CCDC138: variants seen among roughly 807,000 people sequenced by gnomAD.
The protein encoded by CCDC138 is coiled-coil domain containing 138, also known as coiled-coil domain-containing protein 138.
In CCDC138, 66 loss-of-function variants were observed where a neutral mutation model predicts 82.3. That is an observed-to-expected ratio of 0.80 (90% CI 0.66 to 0.98). The LOEUF (loss-of-function observed/expected upper bound fraction) is 0.98, where lower values mean the gene tolerates loss of function less well. Ranked by LOEUF, CCDC138 falls within the 50% of genes least tolerant of loss-of-function variation. The probability of loss-of-function intolerance (pLI) is 0.00; values close to 1 mark genes in which losing one functional copy is unlikely to be tolerated. For synonymous variants in CCDC138, 297 were observed against 265.4 expected, an observed-to-expected ratio of 1.12 and a Z score of -1.16; for missense variants, 816 against 758.9, an observed-to-expected ratio of 1.08 and a Z score of -0.88.
At chr2:108,843,772 T>G (rs1470898213) in intron 11 of CCDC138, among the ~76,000 whole-genome samples, 1 of 152,066 alleles carries the variant, frequency 6.6e-6, no homozygotes, top group African/African-American at 2.4e-5. Flanking sequence ...TTTGTTTAGT[T>G]TCTTCAGTCT....
chr2:108,794,539 G>T lies in CCDC138; in HGVS notation c.395-1G>T. ...TAATGCAAATGTTATTTTCTTTGCAGTTGCCTTGCCAACTAATACGACCTC... is the reference window on the plus strand; with the variant it reads ...TAATGCAAATGTTATTTTCTTTGCATTTGCCTTGCCAACTAATACGACCTC... On this transcript the variant is annotated splice_acceptor_variant, in intron 4 of 14. Transcript: ENST00000295124. LOFTEE classifies it high-confidence loss of function. 6.3e-7 allele frequency: 1 copy of T among 1,592,784 alleles called. No individual in the cohort carries two copies. The highest frequency in any genetic ancestry group is 8.6e-7 in the Non-Finnish European group (1 of 1,169,260).
intron 13 of CCDC138, among the ~76,000 whole-genome samples, chr2:108,857,326 C>G (rs1574257770): frequency 6.6e-6 from 1 of 152,024 alleles, no homozygotes; most frequent in African/African-American, 2.4e-5. Flanking sequence ...GCCTCGGCCT[C>G]CCAAAGCACT....
intron 1 of CCDC138, chr2:108,882,581 A>G (rs75239847): frequency 0.069 from 10,435 of 152,272 alleles, 405 homozygotes; most frequent in African/African-American, 0.097. Context: ...CACCCATTGT[A>G]GACCCACTTG....
At chr2:108,816,175 G>T in intron 10 of CCDC138, 70 bp downstream of exon 10, 2 of 1,144,244 alleles carry the variant, frequency 1.7e-6, no homozygotes, top group South Asian at 2.9e-5. Flanking sequence ...CCAGGGCCAG[G>T]CACAGTGGCT....
intron 10 of CCDC138, among the ~76,000 whole-genome samples, chr2:108,820,999 ATG>A (rs1052267863): frequency 8.0e-6 from 1 of 125,560 alleles, no homozygotes; most frequent in Non-Finnish European, 1.7e-5. Flanking sequence ...CTTGCATAGA[ATG>A]TAACAGACAA....
chr2:108,797,934 G>T (rs936930130), intron 5 of CCDC138, among the ~76,000 whole-genome samples: 2 of 149,670 alleles, frequency 1.3e-5, no homozygotes, highest in Non-Finnish European at 3.0e-5. Context: ...CCATGAATTC[G>T]CAATGGGGCC....
At chr2:108,814,206 G>A (rs1684360498) in intron 9 of CCDC138, among the ~76,000 whole-genome samples, 4 of 152,166 alleles carry the variant, frequency 2.6e-5, no homozygotes, top group South Asian at 4.2e-4. Flanking sequence ...TGTACAAATG[G>A]GAGTGTAATG....
chr2:108,877,101 A>G (rs1242032971), downstream of CCDC138, among the ~76,000 whole-genome samples: 4 of 152,340 alleles, frequency 2.6e-5, no homozygotes, highest in East Asian at 7.7e-4. Context: ...AAAATGTGCC[A>G]TTTTTGAAGT....
chr2:108,875,270 G>T (rs937592264), intron 14 of CCDC138, among the ~76,000 whole-genome samples: 11 of 148,830 alleles, frequency 7.4e-5, no homozygotes, highest in Admixed American at 4.7e-4. Context: ...GTATACATAT[G>T]TAACTAACCT....
intron 10 of CCDC138, among the ~76,000 whole-genome samples, chr2:108,837,502 A>G (rs1392717409): frequency 6.6e-6 from 1 of 152,190 alleles, no homozygotes; most frequent in Non-Finnish European, 1.5e-5. Flanking sequence ...TGGAGCAAAG[A>G]AAAAAAGAAT....
In CCDC138 at chr2:108,854,115, A is replaced by G. The variant is rs1414001516; in HGVS notation, c.1517-2679A>G. ...TATTATATATATAATAAATATATAT[A>G]ATATATACATATGTAGAAAATGTGT... On this transcript the variant is annotated intron_variant, in intron 12 of 14. Transcript: ENST00000295124. 1.8e-4 allele frequency among the ~76,000 whole-genome samples: 24 copies of G among 136,710 alleles called. 1 individual carries two copies. Among genetic ancestry groups the G allele is most frequent in the Admixed American group, 1.7e-3 (20 of 12,006 alleles). The allele number at this position is 136,710 out of a possible 152,430, so 89.7% of individuals were successfully genotyped here.
At position 108,860,133 on chromosome 2, in the gene CCDC138, A is replaced by AT. The variant is rs546684927; in HGVS notation, c.1693+3174dup. On this transcript the variant is annotated intron_variant, in intron 13 of 14. Coordinates refer to ENST00000295124, the MANE Select transcript of CCDC138 (RefSeq NM_144978.3). Reference sequence around the variant, plus strand: ...TTATTGGTGTATAGAAATGCTTCTGATTTTTTTTTTTCTTAAATATGTTGT... The same window carrying AT: ...TTATTGGTGTATAGAAATGCTTCTGATTTTTTTTTTTTCTTAAATATGTTGT... Among the ~76,000 whole-genome samples, 133 of 145,796 alleles carry AT rather than the reference A, an allele frequency of 9.1e-4. 1 individual carries two copies. The highest frequency in any genetic ancestry group is 2.3e-3 in the African/African-American group (90 of 39,924).
At chr2:108,858,008 A>G (rs189625421) in intron 13 of CCDC138, among the ~76,000 whole-genome samples, 233 of 152,328 alleles carry the variant, frequency 1.5e-3, no homozygotes, top group African/African-American at 3.6e-3. Flanking sequence ...ATTAGAGGAG[A>G]TAGTCAACAG....
chr2:108,845,571 ATTTTT>A (rs11345346), intron 11 of CCDC138, among the ~76,000 whole-genome samples: 1 of 111,712 alleles, frequency 9.0e-6, no homozygotes. Context: ...CTTTCATTTG[ATTTTT>A]TTTTTTTTTT....
chr2:108,885,465 A>C (rs1395050314), exon 3 of CCDC138: 2 of 152,242 alleles, frequency 1.3e-5, no homozygotes, highest in Non-Finnish European at 2.9e-5. Flanking sequence ...TATACAATAA[A>C]ATTGAAAAGT....
chr2:108,868,672 T>G (rs535219263), intron 13 of CCDC138, among the ~76,000 whole-genome samples: 5 of 152,312 alleles, frequency 3.3e-5, no homozygotes, highest in African/African-American at 1.2e-4. Flanking sequence ...TTTGCTTTTC[T>G]TCTGAAGAAG....
rs567870064 is a variant in CCDC138, at chr2:108,861,172, A to G, written c.1693+4202A>G. ...ATTTATTTCTGTGGGATTAGCTGTA[A>G]TGTCACCTTTATCATTTCTGATTGT... On this transcript the variant is annotated intron_variant, in intron 13 of 14. Transcript: ENST00000295124. 2.6e-5 allele frequency among the ~76,000 whole-genome samples: 4 copies of G among 151,278 alleles called. No individual in the cohort carries two copies. In the South Asian group the frequency reaches 8.4e-4, roughly 32 times the overall value.
At chr2:108,840,189 A>G (rs1003871396) in intron 11 of CCDC138, among the ~76,000 whole-genome samples, 8 of 152,082 alleles carry the variant, frequency 5.3e-5, no homozygotes, top group Non-Finnish European at 1.0e-4. Flanking sequence ...AATAAAACCC[A>G]CTTGGTTGTG....
chr2:108,866,263 T>C (rs1694397958), intron 13 of CCDC138, among the ~76,000 whole-genome samples: 3 of 152,222 alleles, frequency 2.0e-5, no homozygotes, highest in Admixed American at 1.3e-4. Flanking sequence ...ATAAGGATAC[T>C]TGTGATTGTA....
Sources: allele counts gnomAD v4.1 joint callset (sites outside exome capture counted in the v4.1 genomes callset), GRCh38; gene constraint gnomAD v4.1.1; transcripts MANE v1.5; gene names NCBI Gene and HGNC (gene_info 2026-07-23, HGNC 2026-07-21).